Variants in DNAI4 observed in about 807,000 individuals in gnomAD.
DNAI4 encodes WD repeat domain 78.
In DNAI4, 85 loss-of-function variants were observed where a neutral mutation model predicts 105.8. The observed-to-expected ratio is 0.80, with a 90% confidence interval of 0.67 to 0.96. The LOEUF is 0.96. Among genes scored for constraint, DNAI4 ranks in the 40% least tolerant of loss-of-function variants. The pLI, the probability that DNAI4 is intolerant of heterozygous loss-of-function variation, is 0.00. For missense variants in DNAI4, 1,014 were observed against 1,005.6 expected (o/e 1.01, Z -0.11); for synonymous variants, 352 against 331.5 (o/e 1.06, Z -0.67).
chr1:66,816,437 G>T (rs1437408234), intron 16 of DNAI4, among the ~76,000 whole-genome samples: 1 of 151,656 alleles, frequency 6.6e-6, no homozygotes, highest in African/African-American at 2.4e-5. Flanking sequence ...AAGATATCTT[G>T]GTAGGAAATA....
intron 1 of DNAI4, among the ~76,000 whole-genome samples, chr1:66,915,958 C>A (rs1403127068): frequency 6.6e-6 from 1 of 151,856 alleles, no homozygotes; most frequent in Non-Finnish European, 1.5e-5. Context: ...CCCATCTCTA[C>A]TAAAAATACA....
chr1:66,833,529 A>G, intron 13 of DNAI4, 56 bp downstream of exon 13: 1 of 1,593,828 alleles, frequency 6.3e-7, no homozygotes, highest in Non-Finnish European at 8.6e-7. Flanking sequence ...GACTTAATAC[A>G]CTTCAATTTT....
intron 4 of DNAI4, among the ~76,000 whole-genome samples, chr1:66,881,757 G>C (rs1025993324): frequency 6.6e-6 from 1 of 152,132 alleles, no homozygotes; most frequent in African/African-American, 2.4e-5. Context: ...AGGCATAATT[G>C]GTTTTGAAAT....
At chr1:66,857,998 T>C (rs1018548180) in intron 7 of DNAI4, among the ~76,000 whole-genome samples, 1 of 152,148 alleles carries the variant, frequency 6.6e-6, no homozygotes, top group Admixed American at 6.5e-5. Context: ...CTATATCTAT[T>C]AAAGAAGCTG....
At chr1:66,915,406 T>C (rs968449834) in intron 1 of DNAI4, among the ~76,000 whole-genome samples, 1 of 152,246 alleles carries the variant, frequency 6.6e-6, no homozygotes, top group Non-Finnish European at 1.5e-5. Flanking sequence ...TCATATCTTT[T>C]TCACTGTCTC....
rs551712254 is a variant in DNAI4 at position 66,894,044 on chromosome 1, T to C, written c.346-631A>G. On this transcript the variant is annotated intron_variant, in intron 2 of 16. Coordinates refer to ENST00000371026, the MANE Select transcript of DNAI4 (RefSeq NM_024763.5). Reference sequence around the variant, plus strand: ...ATTATGCACAGTACATAATATTTGATAATAATAATAAATTATGCTTCTGGT... The same window carrying C: ...ATTATGCACAGTACATAATATTTGACAATAATAATAAATTATGCTTCTGGT... Among the ~76,000 whole-genome samples, 6 of 152,344 alleles carry C rather than the reference T, an allele frequency of 3.9e-5. No individual in the cohort carries two copies. The East Asian group carries it at 7.7e-4, about 20-fold the overall frequency.
chr1:66,843,072 C>T (rs922945350), intron 8 of DNAI4, among the ~76,000 whole-genome samples: 12 of 151,478 alleles, frequency 7.9e-5, no homozygotes, highest in Admixed American at 1.3e-4. Flanking sequence ...TGGTGGTGCA[C>T]GCCTGTGGTC....
At chr1:66,883,981 A>G (rs546116293) in intron 4 of DNAI4, among the ~76,000 whole-genome samples, 3 of 152,252 alleles carry the variant, frequency 2.0e-5, no homozygotes, top group Middle Eastern at 6.8e-3. Flanking sequence ...CTTCTCCCCA[A>G]TCTCCCAAAT....
At chr1:66,888,817 G>A (rs1474239594) in intron 4 of DNAI4, among the ~76,000 whole-genome samples, 1 of 152,220 alleles carries the variant, frequency 6.6e-6, no homozygotes, top group Non-Finnish European at 1.5e-5. Flanking sequence ...TGTTTTTGAT[G>A]TAGATAAGCA....
intron 16 of DNAI4, among the ~76,000 whole-genome samples, chr1:66,814,711 T>C (rs1645482287): frequency 6.6e-6 from 1 of 152,192 alleles, no homozygotes; most frequent in South Asian, 2.1e-4. Context: ...TTTATAAAGA[T>C]TCAGTAAGAA....
At chr1:66,895,560 C>A (rs1217068903) in intron 2 of DNAI4, among the ~76,000 whole-genome samples, 2 of 152,136 alleles carry the variant, frequency 1.3e-5, no homozygotes, top group Non-Finnish European at 2.9e-5. Context: ...CGTTTTCTTT[C>A]TTCCTTTCCA....
chr1:66,827,888 C>G lies in DNAI4; in HGVS notation c.2036G>C (p.Gly679Ala). The G allele has an allele frequency of 6.2e-7, 1 of 1,604,202 alleles. No individual in the cohort carries two copies. The highest frequency in any genetic ancestry group is 8.5e-7 in the Non-Finnish European group (1 of 1,175,268). ...HPKDTNIYLA[G>A]TEEGHIHKCS... ...TTTGTGAATATGACCTTCTTCAGTG[C>G]CAGCCAAATAGATATTTGTGTCCTA... Residue 679 changes from glycine (G) to alanine (A), a missense_variant, in exon 14 of 17, where the codon GGC becomes GCC. Transcript: ENST00000371026.
chr1:66,835,876 T>G (rs1007232682), intron 10 of DNAI4, 99 bp from the exon 11 acceptor site: 23 of 1,029,388 alleles, frequency 2.2e-5, no homozygotes, highest in Admixed American at 1.9e-4. Flanking sequence ...AGTGGGTATG[T>G]GAGCAGAGTT....
intron 12 of DNAI4, 114 bp downstream of exon 12, chr1:66,833,877 A>C: frequency 7.1e-7 from 1 of 1,403,838 alleles, no homozygotes; most frequent in Non-Finnish European, 9.5e-7. Flanking sequence ...ACCATGACCA[A>C]CCCAATTTTT....
At chr1:66,816,506 G>A (rs17129472) in intron 16 of DNAI4, among the ~76,000 whole-genome samples, 19,884 of 151,864 alleles carry the variant, frequency 0.13, 1,561 homozygotes, top group East Asian at 0.22. Flanking sequence ...TTCTCCATAA[G>A]CGAAGAAAGA....
chr1:66,906,375 T>A (rs1407957982), intron 1 of DNAI4, among the ~76,000 whole-genome samples: 1 of 152,222 alleles, frequency 6.6e-6, no homozygotes, highest in Non-Finnish European at 1.5e-5. Context: ...AAAATGGGGA[T>A]GAGCCTCCCT....
intron 7 of DNAI4, among the ~76,000 whole-genome samples, chr1:66,857,616 C>A (rs1038021896): frequency 1.3e-5 from 2 of 151,236 alleles, no homozygotes; most frequent in Non-Finnish European, 2.9e-5. Flanking sequence ...CTCCCCACAA[C>A]CTCTGCCTCC....
rs563375243 is a variant in DNAI4 at position 66,882,825 on chromosome 1, A to G, written c.644-7888T>C. Among the ~76,000 whole-genome samples the G allele has an allele frequency of 3.3e-5, 5 of 152,124 alleles. No homozygotes were observed. In the South Asian group the frequency reaches 8.3e-4, roughly 25 times the overall value. On this transcript the variant is annotated intron_variant, in intron 4 of 16. Coordinates refer to ENST00000371026, the MANE Select transcript of DNAI4 (RefSeq NM_024763.5). Reference sequence around the variant, plus strand: ...TAGAATAAATTAGCTGATATCTACAAAAAAGATTGCTGGGATTTTGATTAA... The same window carrying G: ...TAGAATAAATTAGCTGATATCTACAGAAAAGATTGCTGGGATTTTGATTAA...
At chr1:66,842,772 C>A (rs1646178372) in intron 8 of DNAI4, among the ~76,000 whole-genome samples, 1 of 152,306 alleles carries the variant, frequency 6.6e-6, no homozygotes, top group South Asian at 2.1e-4. Context: ...TTCCCATCAG[C>A]ATGAATAAGA....
Sources: gnomAD v4.1 joint callset for allele counts (sites outside exome capture counted in the v4.1 genomes callset) on GRCh38, gnomAD v4.1.1 for gene constraint, MANE v1.5 for transcripts, NCBI Gene and HGNC (gene_info 2026-07-23, HGNC 2026-07-21) for gene names.